The following LHFPL6 variants were observed in gnomAD, a reference collection of about 807,000 sequenced individuals.
LHFPL6 encodes the protein LHFPL tetraspan subfamily member 6.
LHFPL6 carries 9 observed loss-of-function variants against 20.6 expected under a neutral mutation model. The observed-to-expected ratio is 0.44, with a 90% CI of 0.26 to 0.76. The LOEUF (loss-of-function observed/expected upper bound fraction) is 0.76, where lower values mean the gene tolerates loss of function less well. LHFPL6 is among the 30% of genes least tolerant of loss of function. LHFPL6 has a pLI of 0.20. For missense variants in LHFPL6, 218 were observed against 253.5 expected (o/e 0.86, Z 0.95); for synonymous variants, 105 against 98.7 (o/e 1.06, Z -0.38).
At chr13:39,370,035 C>A (rs1215528840) in intron 3 of LHFPL6, among the ~76,000 whole-genome samples, 1 of 152,064 alleles carries the variant, frequency 6.6e-6, no homozygotes, top group East Asian at 1.9e-4. Context: ...GAATGAACAT[C>A]CCTGAAAAAA....
chr13:39,566,506 TGA>T (rs1871718847), intron 2 of LHFPL6, among the ~76,000 whole-genome samples: 1 of 151,916 alleles, frequency 6.6e-6, no homozygotes, highest in South Asian at 2.1e-4. Context: ...TCTGGGAGGC[TGA>T]GACAGGTGGA....
chr13:39,520,547 T>C (rs1870075999), intron 2 of LHFPL6, among the ~76,000 whole-genome samples: 1 of 152,170 alleles, frequency 6.6e-6, no homozygotes, highest in South Asian at 2.1e-4. Context: ...TGTGACGAAC[T>C]GGGCAAATTA....
chr13:39,362,301 C>T lies in LHFPL6; in HGVS notation c.484+16127G>A, dbSNP rs191713002. ...CCCTTTCTCTCTCTTCCTCCTGTTC[C>T]GGCTAGGTAAGACGTGCCTGGTTCC... On this transcript the variant is annotated intron_variant, in intron 3 of 3. Transcript: ENST00000379589. Among the ~76,000 whole-genome samples the T allele has an allele frequency of 2.4e-3, 371 of 152,300 alleles. 1 individual carries two copies. Among genetic ancestry groups the T allele is most frequent in the African/African-American group, 8.3e-3 (344 of 41,576 alleles).
chr13:39,431,789 A>G (rs1463116644), intron 2 of LHFPL6, among the ~76,000 whole-genome samples: 1 of 150,968 alleles, frequency 6.6e-6, no homozygotes, highest in Non-Finnish European at 1.5e-5. Flanking sequence ...TTTTAAAAAT[A>G]TTTAACCATT....
intron 2 of LHFPL6, among the ~76,000 whole-genome samples, chr13:39,596,690 G>C (rs1872781987): frequency 6.6e-6 from 1 of 150,984 alleles, no homozygotes; most frequent in Non-Finnish European, 1.5e-5. Flanking sequence ...GCTTCCCCAA[G>C]TGACCTAAGA....
At chr13:39,493,883 T>C (rs539550000) in intron 2 of LHFPL6, among the ~76,000 whole-genome samples, 1 of 152,304 alleles carries the variant, frequency 6.6e-6, no homozygotes, top group African/African-American at 2.4e-5. Context: ...TCTATTTTTA[T>C]ATAGAAAAGC....
intron 2 of LHFPL6, among the ~76,000 whole-genome samples, chr13:39,577,330 G>T (rs1408413241): frequency 1.3e-5 from 2 of 152,156 alleles, no homozygotes; most frequent in African/African-American, 4.8e-5. Context: ...AAGGAAAATT[G>T]AAGTAGCAAG....
At chr13:39,497,377 T>A (rs904720162) in intron 2 of LHFPL6, among the ~76,000 whole-genome samples, 13 of 152,148 alleles carry the variant, frequency 8.5e-5, no homozygotes, top group African/African-American at 2.9e-4. Flanking sequence ...AACTTTGCCA[T>A]AATTAAGGGA....
intron 2 of LHFPL6, among the ~76,000 whole-genome samples, chr13:39,562,391 T>TATATACATATATACACATATATAC (rs1566141922): frequency 2.3e-5 from 1 of 42,982 alleles, no homozygotes; most frequent in African/African-American, 7.1e-5. Context: ...TACATATACA[T>TATATACATATATACACATATATAC]ATATATACAT....
chr13:39,432,905 C>A lies in LHFPL6; in HGVS notation c.386-54379G>T, dbSNP rs191494444. Among the ~76,000 whole-genome samples, 7 of 152,148 alleles carry A rather than the reference C, an allele frequency of 4.6e-5. No individual in the cohort carries two copies. In the East Asian group the frequency reaches 1.4e-3, roughly 29 times the overall value. On this transcript the variant is annotated intron_variant, in intron 2 of 3. Transcript: ENST00000379589. ...TGATGACTAAACATTTTTGTTATAC[C>A]CCAATTTTATGGCTGAAGTATAGAA...
chr13:39,551,970 G>A (rs2138512629), intron 2 of LHFPL6, among the ~76,000 whole-genome samples: 1 of 152,246 alleles, frequency 6.6e-6, no homozygotes, highest in South Asian at 2.1e-4. Context: ...TAATGACTCA[G>A]AATATCTTGG....
chr13:39,530,651 G>C (rs375677958), intron 2 of LHFPL6, among the ~76,000 whole-genome samples: 11 of 152,052 alleles, frequency 7.2e-5, no homozygotes, highest in African/African-American at 2.7e-4. Context: ...ATAAAACTAC[G>C]TGTTTCATAA....
chr13:39,470,926 A>C (rs1371227909), intron 2 of LHFPL6, among the ~76,000 whole-genome samples: 1 of 152,204 alleles, frequency 6.6e-6, no homozygotes. Flanking sequence ...TCAGATATAC[A>C]GGCATTTGCT....
chr13:39,375,755 T>C (rs559562048), intron 3 of LHFPL6, among the ~76,000 whole-genome samples: 1 of 143,934 alleles, frequency 6.9e-6, no homozygotes, highest in Non-Finnish European at 1.5e-5. Context: ...ACTTTCTCTT[T>C]AGGTCTTCTT....
intron 3 of LHFPL6, among the ~76,000 whole-genome samples, chr13:39,360,756 CAA>C (rs60151758): frequency 0.21 from 9,897 of 48,162 alleles, 3,430 homozygotes; most frequent in Non-Finnish European, 0.23. Flanking sequence ...TGTAAGGGGA[CAA>C]AAAAAAAAAA....
chr13:39,433,292 C>T (rs370813809), intron 2 of LHFPL6, among the ~76,000 whole-genome samples: 4 of 152,140 alleles, frequency 2.6e-5, no homozygotes, highest in Admixed American at 6.5e-5. Flanking sequence ...AACCAATCAA[C>T]TAAAAAATAA....
At chr13:39,518,363 C>T (rs1308353749) in intron 2 of LHFPL6, among the ~76,000 whole-genome samples, 1 of 152,146 alleles carries the variant, frequency 6.6e-6, no homozygotes, top group Non-Finnish European at 1.5e-5. Flanking sequence ...TCTGAGACAT[C>T]CTGGCTACTT....
At chr13:39,555,152 C>T (rs73466891) in intron 2 of LHFPL6, among the ~76,000 whole-genome samples, 2,638 of 152,298 alleles carry the variant, frequency 0.017, 73 homozygotes, top group African/African-American at 0.061. Flanking sequence ...TTCACTCCTA[C>T]TCGGAAACTG....
intron 2 of LHFPL6, among the ~76,000 whole-genome samples, chr13:39,450,168 G>C (rs896740010): frequency 6.6e-6 from 1 of 152,172 alleles, no homozygotes; most frequent in African/African-American, 2.4e-5. Flanking sequence ...AAGAATGTTA[G>C]AAGCCATAAA....
Sources: allele counts gnomAD v4.1 joint callset (sites outside exome capture counted in the v4.1 genomes callset), GRCh38; gene constraint gnomAD v4.1.1; transcripts MANE v1.5; gene names NCBI Gene and HGNC (gene_info 2026-07-23, HGNC 2026-07-21).